Variants in ANKAR observed in about 807,000 individuals in gnomAD.
ANKAR encodes ankyrin and armadillo repeat-containing protein.
Under a neutral mutation model 146.2 loss-of-function variants are expected in ANKAR, and 136 were observed. That is an observed-to-expected ratio of 0.93 (90% CI 0.81 to 1.07). The LOEUF (loss-of-function observed/expected upper bound fraction) is 1.07. Ranked by LOEUF, ANKAR falls within the 50% of genes least tolerant of loss-of-function variation. The probability of loss-of-function intolerance (pLI) is 0.00; values close to 1 mark genes in which losing one functional copy is unlikely to be tolerated. For missense variants in ANKAR, 1,567 were observed against 1,679.9 expected, an observed-to-expected ratio of 0.93 and a Z score of 1.18; for synonymous variants, 500 against 575.8, an observed-to-expected ratio of 0.87 and a Z score of 1.88.
At position 189,730,495 on chromosome 2, in the gene ANKAR, G is replaced by A. The variant is rs113599803; in HGVS notation, c.3194G>A (p.Gly1065Asp). 3 of 1,584,506 alleles carry A rather than the reference G, an allele frequency of 1.9e-6. No homozygotes were observed. The highest frequency in any genetic ancestry group is 3.5e-5 in the Admixed American group (2 of 57,652). The change falls in exon 16 of 23, where the codon GGT becomes GAT. Residue 1065 changes from glycine to aspartate, a missense_variant and splice_region_variant. Transcript: ENST00000684021. Reference sequence around the variant, plus strand: ...ACCTCACTGGCGTGGACTCTTACAGGTGTAGCCCATACAAGCAATCCTGTC... The same window carrying A: ...ACCTCACTGGCGTGGACTCTTACAGATGTAGCCCATACAAGCAATCCTGTC... ...VIRAVGSICI[G>D]VAHTSNPVSQ...
chr2:189,731,692 T>C (rs536978728), intron 16 of ANKAR, among the ~76,000 whole-genome samples: 1 of 151,958 alleles, frequency 6.6e-6, no homozygotes, highest in African/African-American at 2.4e-5. Context: ...TAATCTGTAT[T>C]TATTTATTTA....
chr2:189,709,678 C>T (rs1427855381), intron 9 of ANKAR, among the ~76,000 whole-genome samples: 5 of 152,094 alleles, frequency 3.3e-5, no homozygotes, highest in Admixed American at 2.0e-4. Context: ...CAATACCTGA[C>T]GTTGGAATTT....
Position 189,719,722 on chromosome 2 carries a change from T to C in ANKAR, c.2375T>C (p.Leu792Pro), listed in dbSNP as rs200977971. 20 of 1,614,008 alleles carry C rather than the reference T, an allele frequency of 1.2e-5. No individual in the cohort carries two copies. The Middle Eastern group carries it at 4.9e-4, about 40-fold the overall frequency. ...GGCATTCCATCTCTAATCAACCTAC[T>C]GGTTTGTGATGAGCCTGAAGTACAC... ...AGGIPSLINL[L>P]VCDEPEVHSR... The change falls in exon 11 of 23, where the codon CTG becomes CCG. Residue 792 changes from leucine to proline, a missense_variant. Coordinates refer to ENST00000684021, the MANE Select transcript of ANKAR (RefSeq NM_001378068.1).
At chr2:189,746,279 T>A in intron 22 of ANKAR, 101 bp from the exon 23 acceptor site, 1 of 1,339,976 alleles carries the variant, frequency 7.5e-7, no homozygotes, top group African/African-American at 1.4e-5. Flanking sequence ...TCTCTTAGTA[T>A]GTTTTAGTTA....
chr2:189,680,378 C>A (rs570155438), intron 2 of ANKAR, among the ~76,000 whole-genome samples: 2 of 151,972 alleles, frequency 1.3e-5, no homozygotes, highest in South Asian at 2.1e-4. Flanking sequence ...TTTATCTTTT[C>A]AAAAAACCAG....
intron 4 of ANKAR, chr2:189,692,817 C>A (rs1001405520): frequency 3.8e-6 from 1 of 265,824 alleles, no homozygotes; most frequent in Non-Finnish European, 7.0e-6. Flanking sequence ...AGTAATTCTT[C>A]ACCTGGAATT....
intron 10 of ANKAR, among the ~76,000 whole-genome samples, chr2:189,715,697 C>T (rs957315826): frequency 1.4e-4 from 21 of 152,296 alleles, no homozygotes; most frequent in African/African-American, 4.3e-4. Flanking sequence ...CAGTAAAAAA[C>T]TGGCAAACTG....
At chr2:189,709,594 A>G (rs1288404072) in intron 9 of ANKAR, among the ~76,000 whole-genome samples, 1 of 152,240 alleles carries the variant, frequency 6.6e-6, no homozygotes, top group Non-Finnish European at 1.5e-5. Flanking sequence ...TTTTTTTCCA[A>G]CAACTCATTT....
intron 18 of ANKAR, among the ~76,000 whole-genome samples, chr2:189,759,405 C>T (rs182150004): frequency 2.7e-3 from 415 of 152,274 alleles, no homozygotes; most frequent in African/African-American, 9.3e-3. Context: ...TCCGCCACCA[C>T]GCCTGGCTAA....
In ANKAR at chr2:189,676,609, G is replaced by A. The variant is rs1353634075; in HGVS notation, c.119G>A (p.Arg40Gln). ...NASAFFEKYD[R>Q]SEIQELLTTA... Reference sequence around the variant, plus strand: ...TCTGCTTTTTTTGAAAAATATGATCGGAGTGAAATACAAGAGTTACTAACT... The same window carrying A: ...TCTGCTTTTTTTGAAAAATATGATCAGAGTGAAATACAAGAGTTACTAACT... The change falls in exon 2 of 23, where the codon CGG (arginine) becomes CAG (glutamine). Residue 40 changes from arginine to glutamine, a missense_variant. Coordinates refer to ENST00000684021, the MANE Select transcript of ANKAR (RefSeq NM_001378068.1). 2.2e-5 allele frequency: 36 copies of A among 1,613,734 alleles called. No individual in the cohort carries two copies. The highest frequency in any genetic ancestry group is 3.0e-5 in the Non-Finnish European group (35 of 1,179,898).
At chr2:189,710,992 C>T (rs1406044663) in intron 9 of ANKAR, 57 bp from the exon 10 acceptor site, 2 of 1,425,016 alleles carry the variant, frequency 1.4e-6, no homozygotes, top group Middle Eastern at 1.8e-4. Context: ...CAGAATCAAG[C>T]ATTTCATTGC....
chr2:189,738,534 C>T (rs2105884472), intron 18 of ANKAR, 31 bp from the exon 19 acceptor site: 1 of 1,349,492 alleles, frequency 7.4e-7, no homozygotes, highest in Non-Finnish European at 1.0e-6. Context: ...AGAAAATGTT[C>T]AAAGACTCTC....
intron 7 of ANKAR, among the ~76,000 whole-genome samples, chr2:189,704,072 G>A (rs939398656): frequency 1.3e-5 from 2 of 151,894 alleles, no homozygotes; most frequent in African/African-American, 4.8e-5. Context: ...AGAATAATTT[G>A]GCAATATATA....
rs1315737312 is a variant in ANKAR at position 189,732,896 on chromosome 2, C to A, written c.3301-211C>A. 3.9e-5 allele frequency among the ~76,000 whole-genome samples: 6 copies of A among 152,110 alleles called. No homozygotes were observed. In the East Asian group the frequency reaches 1.2e-3, roughly 29 times the overall value. On this transcript the variant is annotated intron_variant, in intron 16 of 22. Transcript: ENST00000684021. ...TGGAGCTCTGTGGTTGGTCCCTGAA[C>A]ACAGAAAGGATATTTTCTCAGCTAT...
At chr2:189,723,900 A>G (rs2041585853) in intron 12 of ANKAR, among the ~76,000 whole-genome samples, 1 of 152,186 alleles carries the variant, frequency 6.6e-6, no homozygotes, top group Non-Finnish European at 1.5e-5. Context: ...ATAGCTTAGT[A>G]AAGACACTTC....
rs772524407 is a variant in ANKAR, at chr2:189,730,481, G to A, written c.3194-14G>A. The A allele has an allele frequency of 1.9e-5, 29 of 1,488,858 alleles. No individual in the cohort carries two copies. In the African/African-American group the frequency reaches 2.1e-4, roughly 11 times the overall value. The allele number at this position is 1,488,858 out of a possible 1,614,324, so 92.2% of individuals were successfully genotyped here. Reference sequence around the variant, plus strand: ...TGGAAAAAAATATTACCTCACTGGCGTGGACTCTTACAGGTGTAGCCCATA... The same window carrying A: ...TGGAAAAAAATATTACCTCACTGGCATGGACTCTTACAGGTGTAGCCCATA... On this transcript the variant is annotated splice_polypyrimidine_tract_variant and intron_variant, in intron 15 of 22. Coordinates refer to ENST00000684021, the MANE Select transcript of ANKAR (RefSeq NM_001378068.1).
At position 189,738,697 on chromosome 2, in the gene ANKAR, G is replaced by T; in HGVS notation, c.3700+15G>T. 6.7e-7 allele frequency: 1 copy of T among 1,489,348 alleles called. No homozygotes were observed. The allele number at this position is 1,489,348 out of a possible 1,614,324, so 92.3% of individuals were successfully genotyped here. A position where few individuals can be genotyped will look rare whatever the true frequency, so the allele number is the denominator to read the frequency against. ...TGTCTTGACAGGTAAGAAATGACTAGAAGTTAATTTTAGCCACATAAAACT... is the reference window on the plus strand; with the variant it reads ...TGTCTTGACAGGTAAGAAATGACTATAAGTTAATTTTAGCCACATAAAACT... On this transcript the variant is annotated intron_variant, in intron 19 of 22. Coordinates refer to ENST00000684021, the MANE Select transcript of ANKAR (RefSeq NM_001378068.1).
chr2:189,714,082 C>T (rs1219214384), intron 10 of ANKAR, among the ~76,000 whole-genome samples: 1 of 152,226 alleles, frequency 6.6e-6, no homozygotes, highest in East Asian at 1.9e-4. Context: ...TATATATGCA[C>T]CCAATACTGG....
Position 189,720,707 on chromosome 2 carries a change from T to G in ANKAR, c.2555T>G (p.Ile852Arg). ...NVMNCIRVLC[I>R]GNENNQRAVR... ...ATGAACTGTATACGGGTATTGTGTATAGGAAATGAAAACAATCAAAGAGCT... is the reference window on the plus strand; with the variant it reads ...ATGAACTGTATACGGGTATTGTGTAGAGGAAATGAAAACAATCAAAGAGCT... Residue 852 changes from isoleucine to arginine, a missense_variant, in exon 12 of 23, where the codon ATA (isoleucine) becomes AGA (arginine). Ile to Arg is a moderately conservative substitution (Grantham distance 97). Transcript: ENST00000684021. 1 of 1,516,316 alleles carries G rather than the reference T, an allele frequency of 6.6e-7. No individual in the cohort carries two copies. The highest frequency in any genetic ancestry group is 1.4e-5 in the South Asian group (1 of 72,884). 93.9% of individuals were successfully genotyped at this position (1,516,316 alleles called of 1,614,324 possible).
Sources: allele counts gnomAD v4.1 joint callset (sites outside exome capture counted in the v4.1 genomes callset), GRCh38; gene constraint gnomAD v4.1.1; transcripts MANE v1.5; gene names NCBI Gene and HGNC (gene_info 2026-07-23, HGNC 2026-07-21).